Variants in TMEM132C observed in about 807,000 individuals in gnomAD.
The protein encoded by TMEM132C is protein phosphatase 1, regulatory subunit 152.
Under a neutral mutation model 61.4 loss-of-function variants are expected in TMEM132C, and 29 were observed. The ratio of observed to expected loss-of-function variants is 0.47; its 90% CI spans 0.35 to 0.64. The LOEUF (loss-of-function observed/expected upper bound fraction) is 0.64, where lower values mean the gene tolerates loss of function less well. Among genes scored for constraint, TMEM132C ranks in the 30% least tolerant of loss-of-function variants. The probability of loss-of-function intolerance (pLI) is 0.00; values close to 1 mark genes in which losing one functional copy is unlikely to be tolerated. For synonymous variants in TMEM132C, 656 were observed against 633.1 expected, an observed-to-expected ratio of 1.04 and a Z score of -0.54; for missense variants, 1,408 against 1,476.9, an observed-to-expected ratio of 0.95 and a Z score of 0.76.
At chr12:128,504,388 G>T (rs1015571329) in intron 2 of TMEM132C, among the ~76,000 whole-genome samples, 1 of 152,204 alleles carries the variant, frequency 6.6e-6, no homozygotes, top group African/African-American at 2.4e-5. Flanking sequence ...TAAGGGGAAT[G>T]TATATAGTGA....
rs141136957 is a variant in TMEM132C at position 128,624,981 on chromosome 12, C to T, written c.1305+8646C>T. Reference sequence around the variant, plus strand: ...CACTGGAATGTAAGAAACACAGTCCCGAGAGAAACTAGCAAGGGAGGGGGG... The same window carrying T: ...CACTGGAATGTAAGAAACACAGTCCTGAGAGAAACTAGCAAGGGAGGGGGG... On this transcript the variant is annotated intron_variant, in intron 4 of 8. Coordinates refer to ENST00000435159, the MANE Select transcript of TMEM132C (RefSeq NM_001136103.3). Among the ~76,000 whole-genome samples the T allele has an allele frequency of 7.6e-3, 1,156 of 152,182 alleles. 16 individuals are homozygous for T. The highest frequency in any genetic ancestry group is 0.027 in the African/African-American group (1,105 of 41,540).
Position 128,616,154 on chromosome 12 carries a change from G to A in TMEM132C, c.1124G>A (p.Ser375Asn), listed in dbSNP as rs1210328975. 1.9e-6 allele frequency: 3 copies of A among 1,551,274 alleles called. No individual in the cohort carries two copies. The South Asian group carries it at 3.6e-5, about 18-fold the overall frequency. ...CCAGTTTCTTTTCTCTCTTCCAGGA[G>A]CAGCAGTTTATTCAATGAGGTTGTG... ...QRLGPSPRNR[S>N]SSLFNEVVQM... Residue 375 changes from serine (S) to asparagine (N), a missense_variant and splice_region_variant, in exon 4 of 9, where the codon AGC (serine) becomes AAC (asparagine). Physicochemically the swap from Ser to Asn is conservative, Grantham distance 46. Transcript: ENST00000435159.
intron 4 of TMEM132C, among the ~76,000 whole-genome samples, chr12:128,646,629 TG>T (rs1159843266): frequency 6.6e-6 from 1 of 151,732 alleles, no homozygotes; most frequent in Non-Finnish European, 1.5e-5. Context: ...CAGCGCTGGA[TG>T]TGAGTGTGTT....
rs376764073 is a variant in TMEM132C, at chr12:128,478,343, A to C, written c.974+62723A>C. Among the ~76,000 whole-genome samples the C allele has an allele frequency of 5.9e-5, 9 of 152,324 alleles. No homozygotes were observed. The East Asian group carries it at 1.2e-3, about 20-fold the overall frequency. ...AGCACTTATAGTTCTTAAACAAAAT[A>C]ATCATTGTGGCAAACTAGCAAAGGC... is the stretch of plus-strand genomic sequence containing the variant. On this transcript the variant is annotated intron_variant, in intron 2 of 8. Transcript: ENST00000435159.
intron 8 of TMEM132C, 44 bp from the exon 9 acceptor site, chr12:128,705,046 A>G (rs4533104): frequency 0.97 from 1,423,113 of 1,468,880 alleles, 689,933 homozygotes; most frequent in Non-Finnish European, 0.98. Context: ...TCTAAGGGAA[A>G]AGGCATCCCC....
chr12:128,544,453 T>C (rs1873880107), intron 3 of TMEM132C, among the ~76,000 whole-genome samples: 1 of 152,208 alleles, frequency 6.6e-6, no homozygotes, highest in East Asian at 1.9e-4. Context: ...CATTTTTTCA[T>C]GAAGGGGAAG....
intron 1 of TMEM132C, among the ~76,000 whole-genome samples, chr12:128,298,164 C>T (rs1176776462): frequency 6.6e-6 from 1 of 152,196 alleles, no homozygotes; most frequent in Non-Finnish European, 1.5e-5. Flanking sequence ...TGTGAGAATG[C>T]ACATCTAATC....
In TMEM132C at chr12:128,398,592, C is replaced by T. The variant is rs114548724; in HGVS notation, c.86-16140C>T. 3.8e-3 allele frequency among the ~76,000 whole-genome samples: 572 copies of T among 152,270 alleles called. 1 individual carries two copies. The highest frequency in any genetic ancestry group is 0.012 in the African/African-American group (517 of 41,562). ...AAGCCTGTGCTCTGAGACAGGATAG[C>T]GCAGAAATGGGCACAGGGATCCTGA... is the stretch of plus-strand genomic sequence containing the variant. On this transcript the variant is annotated intron_variant, in intron 1 of 8. Transcript: ENST00000435159.
intron 2 of TMEM132C, among the ~76,000 whole-genome samples, chr12:128,432,198 C>T (rs1203890136): frequency 1.3e-5 from 2 of 152,330 alleles, no homozygotes; most frequent in Admixed American, 6.5e-5. Flanking sequence ...GTTTACATAC[C>T]TGCTAACGTA....
Position 128,693,921 on chromosome 12 carries a change from C to T in TMEM132C, c.1542C>T (p.Ser514=), listed in dbSNP as rs771980544. ...TGAACTTCACATACCAGTACCTGAGCGCCCCCCTGTGTGTCACCGTGTGGG... is the reference window on the plus strand; with the variant it reads ...TGAACTTCACATACCAGTACCTGAGTGCCCCCCTGTGTGTCACCGTGTGGG... ...AVVNFTYQYL[S]APLCVTVWVP... is the part of the protein sequence containing the mutation. The change falls in exon 6 of 9, where the codon AGC becomes AGT. Residue 514 remains serine, a synonymous_variant. Transcript: ENST00000435159. 2.3e-5 allele frequency: 36 copies of T among 1,551,750 alleles called. No homozygotes were observed. Among genetic ancestry groups the T allele is most frequent in the Non-Finnish European group, 3.1e-5 (35 of 1,147,024 alleles).
chr12:128,528,328 C>T (rs1873165197), intron 2 of TMEM132C, among the ~76,000 whole-genome samples: 1 of 152,174 alleles, frequency 6.6e-6, no homozygotes. Flanking sequence ...GGTTTATTCT[C>T]CCATAATTAA....
intron 1 of TMEM132C, among the ~76,000 whole-genome samples, chr12:128,370,881 C>T (rs1355972508): frequency 6.6e-6 from 1 of 152,072 alleles, no homozygotes; most frequent in Non-Finnish European, 1.5e-5. Context: ...TAGCAGCTAC[C>T]CCTGAGGAGC....
chr12:128,357,647 A>T (rs1360398580), intron 1 of TMEM132C, among the ~76,000 whole-genome samples: 5 of 150,490 alleles, frequency 3.3e-5, no homozygotes, highest in Non-Finnish European at 7.4e-5. Context: ...GTGAGCCGAG[A>T]TCATGCCACT....
rs574646314 is a variant in TMEM132C, at chr12:128,657,883, C to A, written c.1306-11534C>A. 2.0e-5 allele frequency among the ~76,000 whole-genome samples: 3 copies of A among 152,350 alleles called. No individual in the cohort carries two copies. In the East Asian group the frequency reaches 5.8e-4, roughly 29 times the overall value. The stretch of plus-strand genomic sequence containing the variant: ...GGATGGGGTTGGGGTGGTGGAGTGG[C>A]CACCTCTGTACCAGGCACTGACCTG... On this transcript the variant is annotated intron_variant, in intron 4 of 8. Coordinates refer to ENST00000435159, the MANE Select transcript of TMEM132C (RefSeq NM_001136103.3).
At chr12:128,694,246 A>G (rs1954740494) in intron 6 of TMEM132C, among the ~76,000 whole-genome samples, 1 of 152,160 alleles carries the variant, frequency 6.6e-6, no homozygotes, top group African/African-American at 2.4e-5. Flanking sequence ...TGGGGCTTAT[A>G]TGAGGCTGTC....
intron 2 of TMEM132C, among the ~76,000 whole-genome samples, chr12:128,483,561 G>A (rs1438931933): frequency 6.6e-6 from 1 of 152,056 alleles, no homozygotes; most frequent in Non-Finnish European, 1.5e-5. Flanking sequence ...ATCCCTGCTT[G>A]TAAAATGCAG....
rs1189611772 is a variant in TMEM132C, at chr12:128,459,897, A to AAAG, written c.974+44279_974+44280insGAA. Among the ~76,000 whole-genome samples, 123 of 151,472 alleles carry AAAG rather than the reference A, an allele frequency of 8.1e-4. 1 individual carries two copies. The highest frequency in any genetic ancestry group is 2.7e-3 in the African/African-American group (111 of 41,322). ...AAGACTCTGTCTCAAAAAAAAAAAA[A>AAAG]AAAAAAAAAGAATGCTCTCTTAAAT... On this transcript the variant is annotated intron_variant, in intron 2 of 8. Coordinates refer to ENST00000435159, the MANE Select transcript of TMEM132C (RefSeq NM_001136103.3).
chr12:128,432,356 G>C (rs956266416), intron 2 of TMEM132C, among the ~76,000 whole-genome samples: 1 of 152,190 alleles, frequency 6.6e-6, no homozygotes. Context: ...TTCCCCTGAG[G>C]AATCTAAGCA....
intron 1 of TMEM132C, among the ~76,000 whole-genome samples, chr12:128,382,740 C>T (rs1376869508): frequency 6.6e-6 from 1 of 152,168 alleles, no homozygotes; most frequent in African/African-American, 2.4e-5. Context: ...TTTAACCTTT[C>T]TCCTATTGAC....
Sources: gnomAD v4.1 joint callset for allele counts (sites outside exome capture counted in the v4.1 genomes callset) on GRCh38, gnomAD v4.1.1 for gene constraint, MANE v1.5 for transcripts, NCBI Gene and HGNC (gene_info 2026-07-23, HGNC 2026-07-21) for gene names.